The following ZNF469 variants were observed in gnomAD, a reference collection of about 807,000 sequenced individuals.
ZNF469 encodes the protein zinc finger protein 469.
In ZNF469, 1 loss-of-function variant was observed where a neutral mutation model predicts 1.0. The ratio of observed to expected loss-of-function variants is 1.00; its 90% CI spans 0.35 to 4.73. The LOEUF is 4.73. ZNF469 is among the 30% of genes most tolerant of loss of function. ZNF469 has a pLI of 0.16. For synonymous variants in ZNF469, 2,703 were observed against 2,363.4 expected, an observed-to-expected ratio of 1.14 and a Z score of -4.17; for missense variants, 6,100 against 5,356.3, an observed-to-expected ratio of 1.14 and a Z score of -4.33.
At chr16:88,203,987 T>C in the ZNF469 span, among the ~76,000 whole-genome samples, 2 of 152,036 alleles carry the variant, frequency 1.3e-5, no homozygotes, top group Non-Finnish European at 2.9e-5. Flanking sequence ...AGGTGCCCCA[T>C]GAACCCCACA....
At chr16:88,325,496 G>A in the ZNF469 span, among the ~76,000 whole-genome samples, 1 of 152,258 alleles carries the variant, frequency 6.6e-6, no homozygotes, top group Non-Finnish European at 1.5e-5. Context: ...GTCAGTGATA[G>A]GCGTGGCCCC....
At chr16:88,299,512 T>C in the ZNF469 span, among the ~76,000 whole-genome samples, 1 of 152,176 alleles carries the variant, frequency 6.6e-6, no homozygotes, top group South Asian at 2.1e-4. Context: ...GAGCACAGCT[T>C]TGATGATCTA....
the ZNF469 span, among the ~76,000 whole-genome samples, chr16:88,273,132 G>T: frequency 6.6e-6 from 1 of 152,112 alleles, no homozygotes; most frequent in Non-Finnish European, 1.5e-5. Flanking sequence ...CACATGGCTG[G>T]ATGAGTGAGT....
the ZNF469 span, among the ~76,000 whole-genome samples, chr16:88,138,630 C>A: frequency 6.6e-6 from 1 of 152,222 alleles, no homozygotes; most frequent in Admixed American, 6.5e-5. Flanking sequence ...AGGAACATAA[C>A]AAGCCATCAC....
At chr16:88,221,059 C>G in the ZNF469 span, among the ~76,000 whole-genome samples, 1 of 152,158 alleles carries the variant, frequency 6.6e-6, no homozygotes, top group Non-Finnish European at 1.5e-5. Flanking sequence ...TAATCAGGGA[C>G]CCAGTTCAAG....
the ZNF469 span, chr16:88,178,849 A>G: frequency 6.6e-6 from 1 of 150,626 alleles, no homozygotes; most frequent in African/African-American, 2.5e-5. Context: ...GGTGCTGACC[A>G]CCTTCACCTG....
intron 1 of ZNF469, among the ~76,000 whole-genome samples, chr16:88,409,164 G>A (rs553458058): frequency 1.3e-5 from 2 of 152,238 alleles, no homozygotes; most frequent in Non-Finnish European, 2.9e-5. Context: ...TCGCCCACCT[G>A]TGATGTGATG....
rs1906479876 is a variant in ZNF469, at chr16:88,435,141, C to T, written c.7671C>T (p.Gly2557=). The change falls in exon 3 of 3, where the codon GGC becomes GGT. Residue 2557 remains glycine (G), a synonymous_variant. Coordinates refer to ENST00000565624, the MANE Select transcript of ZNF469 (RefSeq NM_001367624.2). The part of the protein sequence containing the change: ...SHVTQPPPAQ[G]SKEVLRAPGS... The stretch of plus-strand genomic sequence containing the variant: ...TCACCCAGCCACCGCCTGCCCAGGG[C>T]TCAAAGGAGGTTCTCAGAGCACCGG... 1 of 1,550,354 alleles carries T rather than the reference C, an allele frequency of 6.5e-7. No homozygotes were observed. The highest frequency in any genetic ancestry group is 8.7e-7 in the Non-Finnish European group (1 of 1,146,962).
At chr16:88,397,655 G>GAGATAGATAGATAGATAGAT (rs143095907) in intron 1 of ZNF469, among the ~76,000 whole-genome samples, 15,029 of 134,638 alleles carry the variant, frequency 0.11, 921 homozygotes, top group African/African-American at 0.14. Flanking sequence ...ATATAAATAA[G>GAGATAGATAGATAGATAGAT]AGATAGATAG....
the ZNF469 span, among the ~76,000 whole-genome samples, chr16:88,119,103 C>T: frequency 2.6e-5 from 4 of 152,310 alleles, no homozygotes; most frequent in South Asian, 8.3e-4. Context: ...GCTTGTTTTG[C>T]CATCTGTGGA....
At chr16:88,268,913 A>G in the ZNF469 span, among the ~76,000 whole-genome samples, 1 of 152,122 alleles carries the variant, frequency 6.6e-6, no homozygotes, top group Non-Finnish European at 1.5e-5. Context: ...GAGGGAGGGG[A>G]TCCTTGGACA....
chr16:88,240,184 A>T, the ZNF469 span, among the ~76,000 whole-genome samples: 2 of 152,070 alleles, frequency 1.3e-5, no homozygotes, highest in East Asian at 3.9e-4. Context: ...CAGCAGTGGG[A>T]GGTGCTCCCG....
At chr16:88,246,054 C>G in the ZNF469 span, among the ~76,000 whole-genome samples, 1 of 152,296 alleles carries the variant, frequency 6.6e-6, no homozygotes, top group South Asian at 2.1e-4. Flanking sequence ...AGCCAGTGCT[C>G]AAAGGGCTTC....
At chr16:88,264,721 C>T in the ZNF469 span, among the ~76,000 whole-genome samples, 3 of 152,114 alleles carry the variant, frequency 2.0e-5, no homozygotes, top group South Asian at 2.1e-4. Flanking sequence ...CACAGGTCCC[C>T]GCTCCCCCGA....
chr16:88,372,446 C>G, the ZNF469 span, among the ~76,000 whole-genome samples: 1 of 149,980 alleles, frequency 6.7e-6, no homozygotes, highest in African/African-American at 2.5e-5. Flanking sequence ...ATCACCATCA[C>G]CATCATCACC....
At chr16:88,288,799 A>G in the ZNF469 span, among the ~76,000 whole-genome samples, 18 of 152,270 alleles carry the variant, frequency 1.2e-4, 1 homozygote, top group African/African-American at 4.1e-4. Flanking sequence ...AGGGGCTTTA[A>G]TATAAAAGGA....
At chr16:88,334,255 C>G in the ZNF469 span, among the ~76,000 whole-genome samples, 1 of 152,142 alleles carries the variant, frequency 6.6e-6, no homozygotes, top group African/African-American at 2.4e-5. Flanking sequence ...CTAAGCTGGA[C>G]TAAGCCTCCT....
rs1158198462 is a variant in ZNF469, at chr16:88,428,545, G to A, written c.1075G>A (p.Gly359Arg). 6.5e-7 allele frequency: 1 copy of A among 1,550,072 alleles called. No homozygotes were observed. The highest frequency in any genetic ancestry group is 2.4e-5 in the East Asian group (1 of 40,894). The change falls in exon 3 of 3, where the codon GGA becomes AGA. Residue 359 changes from glycine (G) to arginine (R), a missense_variant. Coordinates refer to ENST00000565624, the MANE Select transcript of ZNF469 (RefSeq NM_001367624.2). ...CCTCAGTGGTGCCCTCTCTTCCCCT[G>A]GAGCTGCTCACTCGGCCCCGAGACC... ...SDLSGALSSPGAAHSAPRPFS... is the reference protein window; with the variant it reads ...SDLSGALSSPRAAHSAPRPFS...
At position 88,428,902 on chromosome 16, in the gene ZNF469, C is replaced by A; in HGVS notation, c.1432C>A (p.Gln478Lys). 1 of 1,547,054 alleles carries A rather than the reference C, an allele frequency of 6.5e-7. No individual in the cohort carries two copies. The highest frequency in any genetic ancestry group is 8.7e-7 in the Non-Finnish European group (1 of 1,145,754). Residue 478 changes from glutamine (Q) to lysine (K), a missense_variant, in exon 3 of 3, where the codon CAG becomes AAG. Transcript: ENST00000565624. ...PSPGQRLCLP[Q>K]SAPLPWPQVL... The stretch of plus-strand genomic sequence containing the variant: ...CCCAGGCCAGCGGCTCTGCCTCCCC[C>A]AGAGTGCCCCCCTGCCTTGGCCCCA...
Sources: gnomAD v4.1 joint callset for allele counts (sites outside exome capture counted in the v4.1 genomes callset) on GRCh38, gnomAD v4.1.1 for gene constraint, MANE v1.5 for transcripts, NCBI Gene and HGNC (gene_info 2026-07-23, HGNC 2026-07-21) for gene names.